The following KATNIP variants were observed in gnomAD, a reference collection of about 807,000 sequenced individuals.
The protein encoded by KATNIP is katanin interacting protein.
KATNIP carries 126 observed loss-of-function variants against 174.0 expected under a neutral mutation model. The observed-to-expected ratio is 0.72, with a 90% confidence interval of 0.63 to 0.84. The LOEUF is 0.84. Among genes scored for constraint, KATNIP ranks in the 40% least tolerant of loss-of-function variants. The probability of loss-of-function intolerance (pLI) is 0.00; values close to 1 mark genes in which losing one functional copy is unlikely to be tolerated. For missense variants in KATNIP, 1,958 were observed against 2,109.7 expected, an observed-to-expected ratio of 0.93 and a Z score of 1.41; for synonymous variants, 810 against 835.7, an observed-to-expected ratio of 0.97 and a Z score of 0.53.
In KATNIP at chr16:27,701,581, ATCC is replaced by A; in HGVS notation, c.1180-5_1180-3del. 1 of 1,574,690 alleles carries A rather than the reference ATCC, an allele frequency of 6.4e-7. No homozygotes were observed. The highest frequency in any genetic ancestry group is 8.6e-7 in the Non-Finnish European group (1 of 1,159,134). ...AGACATCTGTTTAATAAGCCTTTCC[ATCC>A]TCAGCTGCTTCCCATCACCACGGCG... On this transcript the variant is annotated splice_polypyrimidine_tract_variant and splice_region_variant and intron_variant, in intron 10 of 27. Coordinates refer to ENST00000261588, the MANE Select transcript of KATNIP (RefSeq NM_015202.5).
At chr16:27,673,179 C>G (rs2077981662) in intron 6 of KATNIP, among the ~76,000 whole-genome samples, 1 of 152,166 alleles carries the variant, frequency 6.6e-6, no homozygotes, top group Non-Finnish European at 1.5e-5. Flanking sequence ...TAACTAAATT[C>G]ATGTTATCCC....
intron 21 of KATNIP, among the ~76,000 whole-genome samples, chr16:27,770,613 T>A (rs2082264325): frequency 6.6e-6 from 1 of 152,180 alleles, no homozygotes; most frequent in Non-Finnish European, 1.5e-5. Flanking sequence ...AACATTGCCC[T>A]TGAAATGGAA....
At position 27,698,364 on chromosome 16, in the gene KATNIP, C is replaced by G. The variant is rs774365757; in HGVS notation, c.977C>G (p.Thr326Ser). 5.0e-6 allele frequency: 8 copies of G among 1,612,440 alleles called. No homozygotes were observed. Among genetic ancestry groups the G allele is most frequent in the Non-Finnish European group, 6.8e-6 (8 of 1,179,100 alleles). Residue 326 changes from threonine (T) to serine (S), a missense_variant, in exon 9 of 28, where the codon ACC becomes AGC. By Grantham distance (58) the Thr-to-Ser change is moderately conservative (BLOSUM62 1). Around this residue, in one of 3 missense-constraint regions of KATNIP, gnomAD observed 1,557 missense variants for 1,617.8 expected, o/e 0.96. Coordinates refer to ENST00000261588, the MANE Select transcript of KATNIP (RefSeq NM_015202.5). Reference sequence around the variant, plus strand: ...CGGCGAGAGAGACCCCTGTCTGCAACCCGCAAAACTCTTTGCGAGGCTGAG... The same window carrying G: ...CGGCGAGAGAGACCCCTGTCTGCAAGCCGCAAAACTCTTTGCGAGGCTGAG... Reference protein sequence around the residue: ...GSRRERPLSATRKTLCEAEYP... With the variant: ...GSRRERPLSASRKTLCEAEYP...
chr16:27,744,546 G>A lies in KATNIP; in HGVS notation c.2623+3626G>A, dbSNP rs564825063. Among the ~76,000 whole-genome samples, 7 of 151,682 alleles carry A rather than the reference G, an allele frequency of 4.6e-5. No individual in the cohort carries two copies. The South Asian group carries it at 1.0e-3, about 23-fold the overall frequency. On this transcript the variant is annotated intron_variant, in intron 15 of 27. Transcript: ENST00000261588. ...CTGCAGTCAGCCATGATCACACCACGGCACTCCAGCCTGGGTGACAGAGCG... is the reference window on the plus strand; with the variant it reads ...CTGCAGTCAGCCATGATCACACCACAGCACTCCAGCCTGGGTGACAGAGCG...
At chr16:27,728,261 G>T (rs1312755406) in intron 14 of KATNIP, among the ~76,000 whole-genome samples, 1 of 152,240 alleles carries the variant, frequency 6.6e-6, no homozygotes, top group East Asian at 1.9e-4. Context: ...CACTGCCAAT[G>T]GCCAGAGGGC....
intron 6 of KATNIP, among the ~76,000 whole-genome samples, chr16:27,671,619 T>C (rs746105420): frequency 1.3e-5 from 2 of 152,178 alleles, no homozygotes; most frequent in Non-Finnish European, 1.5e-5. Context: ...CCAAAATAGA[T>C]CTCGAGGCCT....
chr16:27,641,426 C>A (rs1366451472), intron 5 of KATNIP, among the ~76,000 whole-genome samples: 1 of 152,132 alleles, frequency 6.6e-6, no homozygotes, highest in Admixed American at 6.5e-5. Flanking sequence ...ACCAGTCACC[C>A]AATCACTGGG....
chr16:27,640,326 A>G (rs959888733), intron 5 of KATNIP, among the ~76,000 whole-genome samples: 3 of 152,218 alleles, frequency 2.0e-5, no homozygotes, highest in Admixed American at 6.5e-5. Context: ...GGAGCTAGCC[A>G]GGTGCACAGT....
chr16:27,666,047 C>A (rs1377919941), intron 6 of KATNIP, among the ~76,000 whole-genome samples: 4 of 152,344 alleles, frequency 2.6e-5, no homozygotes, highest in Admixed American at 1.3e-4. Flanking sequence ...CTATCCCTAT[C>A]CAATCTCCTT....
intron 2 of KATNIP, among the ~76,000 whole-genome samples, chr16:27,613,426 G>A (rs115205413): frequency 2.1e-3 from 314 of 152,322 alleles, no homozygotes; most frequent in African/African-American, 7.1e-3. Context: ...TGCATTCCCT[G>A]GAGAGTTTGA....
chr16:27,729,011 A>G (rs182563769), intron 14 of KATNIP, among the ~76,000 whole-genome samples: 1 of 152,364 alleles, frequency 6.6e-6, no homozygotes, highest in Admixed American at 6.5e-5. Context: ...GGACTGACTC[A>G]GTAGCTGAGC....
intron 12 of KATNIP, among the ~76,000 whole-genome samples, chr16:27,705,034 C>T (rs981568939): frequency 2.0e-5 from 3 of 151,458 alleles, no homozygotes; most frequent in African/African-American, 7.3e-5. Flanking sequence ...CCTCAGCCGA[C>T]TGAGTAGCTG....
intron 5 of KATNIP, 69 bp downstream of exon 5, chr16:27,631,231 C>A (rs1023924808): frequency 8.1e-7 from 1 of 1,238,654 alleles, no homozygotes; most frequent in Non-Finnish European, 1.2e-6. Context: ...AATAGAAATA[C>A]AATCAGAGCA....
Position 27,703,905 on chromosome 16 carries a change from G to A in KATNIP, c.1296G>A (p.Gln432=). 6.2e-7 allele frequency: 1 copy of A among 1,614,050 alleles called. No homozygotes were observed. The highest frequency in any genetic ancestry group is 8.5e-7 in the Non-Finnish European group (1 of 1,179,882). The change falls in exon 12 of 28, where the codon CAG becomes CAA. Residue 432 remains glutamine (Q), a synonymous_variant. Transcript: ENST00000261588. ...RIGLLGSRQQ[Q]KLLKVLQAVE... is the part of the protein sequence containing the mutation. ...CCAAATCCCATTTCAGACAACAGCA[G>A]AAGCTTCTGAAAGTCCTCCAGGCCG...
chr16:27,747,804 A>G (rs948863356), intron 15 of KATNIP, among the ~76,000 whole-genome samples: 2 of 152,038 alleles, frequency 1.3e-5, no homozygotes, highest in African/African-American at 4.8e-5. Context: ...AAACAGGGAG[A>G]AAATAGGGCT....
chr16:27,741,009 C>T, intron 15 of KATNIP, 89 bp downstream of exon 15: 1 of 1,294,880 alleles, frequency 7.7e-7, no homozygotes, highest in Non-Finnish European at 1.1e-6. Flanking sequence ...ACCTCAGTTT[C>T]CTTATCTGCA....
intron 13 of KATNIP, among the ~76,000 whole-genome samples, chr16:27,710,805 G>A (rs1319195533): frequency 6.6e-6 from 1 of 152,092 alleles, no homozygotes; most frequent in East Asian, 1.9e-4. Flanking sequence ...AGCCTTTGCT[G>A]TTATTGTTAT....
intron 20 of KATNIP, among the ~76,000 whole-genome samples, chr16:27,768,364 A>G (rs2082189076): frequency 6.6e-6 from 1 of 152,212 alleles, no homozygotes. Flanking sequence ...AGCAGAGGAC[A>G]TGTGGCCAGC....
rs1378595493 is a variant in KATNIP at position 27,563,645 on chromosome 16, A to C, written c.8-10256A>C. Among the ~76,000 whole-genome samples the C allele has an allele frequency of 2.6e-5, 4 of 152,186 alleles. No individual in the cohort carries two copies. The East Asian group carries it at 5.8e-4, about 22-fold the overall frequency. Reference sequence around the variant, plus strand: ...GAGGCTTGGATTCTTTTCTGCATGCACAGGGAAACATTAGAAGTTCAGGCA... The same window carrying C: ...GAGGCTTGGATTCTTTTCTGCATGCCCAGGGAAACATTAGAAGTTCAGGCA... On this transcript the variant is annotated intron_variant, in intron 1 of 27. Transcript: ENST00000261588.
Sources: allele counts gnomAD v4.1 joint callset (sites outside exome capture counted in the v4.1 genomes callset), GRCh38; gene constraint gnomAD v4.1.1; regional missense constraint gnomAD v4.1.1; transcripts MANE v1.5; gene names NCBI Gene and HGNC (gene_info 2026-07-23, HGNC 2026-07-21).